Variants in VAV1 observed in about 807,000 individuals in gnomAD.
The protein encoded by VAV1 is vav guanine nucleotide exchange factor 1.
A neutral mutation model predicts 128.1 loss-of-function variants in VAV1; 33 were observed. The observed-to-expected ratio is 0.26, with a 90% CI of 0.20 to 0.34. The LOEUF (loss-of-function observed/expected upper bound fraction) is 0.34. VAV1 is among the 10% of genes least tolerant of loss of function. VAV1 has a pLI of 1.00. For synonymous variants in VAV1, 394 were observed against 409.8 expected, an observed-to-expected ratio of 0.96 and a Z score of 0.47; for missense variants, 715 against 1,093.7, an observed-to-expected ratio of 0.65 and a Z score of 4.88.
At chr19:6,840,370 A>G (rs982348006) in intron 21 of VAV1, among the ~76,000 whole-genome samples, 2 of 150,006 alleles carry the variant, frequency 1.3e-5, no homozygotes, top group Non-Finnish European at 2.9e-5. Context: ...CAGTGGCGCA[A>G]TCTTGGCTCA....
At chr19:6,833,458 T>C (rs758932955) in intron 16 of VAV1, 70 bp from the exon 17 acceptor site, 2 of 1,486,724 alleles carry the variant, frequency 1.3e-6, no homozygotes, top group Non-Finnish European at 1.8e-6. Context: ...TCCCTTTATG[T>C]TTTTAGCAGA....
intron 15 of VAV1, 32 bp from the exon 16 acceptor site, chr19:6,833,148 CTTCT>C: frequency 4.2e-6 from 6 of 1,430,298 alleles, no homozygotes; most frequent in African/African-American, 2.9e-5. Flanking sequence ...AAATACTGAC[CTTCT>C]TTTTTTTTTT....
chr19:6,842,983 T>C, intron 21 of VAV1, 152 bp from the exon 22 acceptor site: 1 of 783,376 alleles, frequency 1.3e-6, no homozygotes, highest in Non-Finnish European at 2.1e-6. Context: ...TCTGGGACTT[T>C]ATCCCCAGTG....
chr19:6,790,773 T>C (rs879326904), intron 1 of VAV1, among the ~76,000 whole-genome samples: 1 of 152,196 alleles, frequency 6.6e-6, no homozygotes. Flanking sequence ...GTTTTAATTA[T>C]ATGCAAATCA....
chr19:6,833,765 C>T (rs751026534), intron 18 of VAV1, 32 bp downstream of exon 18: 57 of 1,613,894 alleles, frequency 3.5e-5, no homozygotes, highest in African/African-American at 2.9e-4. Context: ...TCCTGTGTAC[C>T]ACAAATAATG....
chr19:6,807,760 AG>A (rs1254939437), intron 1 of VAV1, among the ~76,000 whole-genome samples: 1 of 152,014 alleles, frequency 6.6e-6, no homozygotes, highest in African/African-American at 2.4e-5. Context: ...TGGGAGGCCA[AG>A]GTGGGCAGAT....
intron 23 of VAV1, among the ~76,000 whole-genome samples, chr19:6,849,853 C>T (rs1323234318): frequency 2.0e-5 from 3 of 152,256 alleles, no homozygotes; most frequent in East Asian, 1.9e-4. Flanking sequence ...GCACCTGGGT[C>T]GATCCATGTC....
At chr19:6,832,639 CTTTCCTCCCCTTCTT>C (rs1972107391) in intron 15 of VAV1, among the ~76,000 whole-genome samples, 1 of 90,984 alleles carries the variant, frequency 1.1e-5, no homozygotes, top group Non-Finnish European at 2.3e-5. Context: ...CTCCTCCTCC[CTTTCCTCCCCTTCTT>C]CCTCCTCCTC....
At chr19:6,835,308 G>T (rs1396932113) in intron 19 of VAV1, among the ~76,000 whole-genome samples, 1 of 151,200 alleles carries the variant, frequency 6.6e-6, no homozygotes, top group Non-Finnish European at 1.5e-5. Flanking sequence ...TAAATCTTAA[G>T]TATATGACTT....
At chr19:6,810,981 C>T (rs1971501322) in intron 1 of VAV1, among the ~76,000 whole-genome samples, 1 of 152,158 alleles carries the variant, frequency 6.6e-6, no homozygotes, top group South Asian at 2.1e-4. Flanking sequence ...AAACCTTTGT[C>T]CTCATCTGGA....
chr19:6,833,024 G>A (rs968197966), intron 15 of VAV1, among the ~76,000 whole-genome samples, 160 bp from the exon 16 acceptor site: 3 of 152,150 alleles, frequency 2.0e-5, no homozygotes, highest in South Asian at 2.1e-4. Context: ...ATGGCAGCAC[G>A]ATTCAGTGTG....
chr19:6,830,337 G>T (rs1365221337), intron 14 of VAV1, among the ~76,000 whole-genome samples: 1 of 152,074 alleles, frequency 6.6e-6, no homozygotes, highest in Non-Finnish European at 1.5e-5. Flanking sequence ...GATTATAAGC[G>T]TGAGCCCACT....
intron 1 of VAV1, among the ~76,000 whole-genome samples, chr19:6,779,289 C>A (rs528833491): frequency 6.6e-6 from 1 of 150,438 alleles, no homozygotes; most frequent in African/African-American, 2.4e-5. Context: ...TGGCCTCAAG[C>A]AATTCCTCCC....
intron 25 of VAV1, 47 bp from the exon 26 acceptor site, chr19:6,853,900 G>A (rs1168128302): frequency 6.3e-7 from 1 of 1,589,610 alleles, no homozygotes; most frequent in Non-Finnish European, 8.5e-7. Flanking sequence ...GAGAGTGAGT[G>A]GGTATCTGCC....
chr19:6,856,939 C>T (rs1972818974), intron 26 of VAV1, 115 bp from the exon 27 acceptor site: 1 of 833,448 alleles, frequency 1.2e-6, no homozygotes, highest in Non-Finnish European at 2.0e-6. Flanking sequence ...CTGGGATAGA[C>T]AGAAGGAAGA....
intron 25 of VAV1, 59 bp from the exon 26 acceptor site, chr19:6,853,888 C>A: frequency 6.3e-7 from 1 of 1,580,322 alleles, no homozygotes; most frequent in South Asian, 1.1e-5. Flanking sequence ...CTTGTGCCCC[C>A]AGAGAGTGAG....
At chr19:6,832,026 G>A (rs1972069235) in intron 14 of VAV1, 65 bp from the exon 15 acceptor site, 1 of 1,401,694 alleles carries the variant, frequency 7.1e-7, no homozygotes, top group Non-Finnish European at 1.0e-6. Context: ...GGGAGGGGTG[G>A]GTGGGTGTGT....
At chr19:6,825,261 C>A (rs773007761) in intron 7 of VAV1, 42 bp from the exon 8 acceptor site, 1 of 1,589,388 alleles carries the variant, frequency 6.3e-7, no homozygotes, top group East Asian at 2.2e-5. Context: ...GCCCCCTGAG[C>A]CCTGGGCTCT....
chr19:6,841,063 C>T (rs1568314423), intron 21 of VAV1, among the ~76,000 whole-genome samples: 1 of 152,048 alleles, frequency 6.6e-6, no homozygotes, highest in Admixed American at 6.6e-5. Context: ...CAGGTGTGAG[C>T]CACCATGCCG....
Sources: allele counts gnomAD v4.1 joint callset (sites outside exome capture counted in the v4.1 genomes callset), GRCh38; gene constraint gnomAD v4.1.1; transcripts MANE v1.5; gene names NCBI Gene and HGNC (gene_info 2026-07-23, HGNC 2026-07-21).